Variants in TSBP1 observed in about 807,000 individuals in gnomAD.
TSBP1 encodes testis-expressed basic protein 1.
Under a neutral mutation model 68.8 loss-of-function variants are expected in TSBP1, and 56 were observed. The ratio of observed to expected loss-of-function variants is 0.81; its 90% CI spans 0.66 to 1.02. The LOEUF (loss-of-function observed/expected upper bound fraction) is 1.02, where lower values mean the gene tolerates loss of function less well. TSBP1 is among the 50% of genes least tolerant of loss of function. The pLI, the probability that TSBP1 is intolerant of heterozygous loss-of-function variation, is 0.00. For synonymous variants in TSBP1, 171 were observed against 208.7 expected (o/e 0.82, Z 1.56); for missense variants, 502 against 641.2 (o/e 0.78, Z 2.34).
chr6:32,326,628 A>T (rs1768247505), intron 16 of TSBP1, among the ~76,000 whole-genome samples: 1 of 152,206 alleles, frequency 6.6e-6, no homozygotes, highest in South Asian at 2.1e-4. Context: ...ATTGAGTTTC[A>T]CTCATGAAGG....
At chr6:32,328,384 A>G (rs949902511) in intron 16 of TSBP1, among the ~76,000 whole-genome samples, 1 of 151,420 alleles carries the variant, frequency 6.6e-6, no homozygotes, top group Non-Finnish European at 1.5e-5. Context: ...AGTAGCTGAG[A>G]TTACAGGCGT....
rs1241656893 is a variant in TSBP1 at position 32,365,968 on chromosome 6, G to A, written c.217+199C>T. 17 of 775,396 alleles carry A rather than the reference G, an allele frequency of 2.2e-5. No individual in the cohort carries two copies. In the South Asian group the frequency reaches 2.2e-4, roughly 10 times the overall value. 48.0% of individuals were successfully genotyped at this position (775,396 alleles called of 1,614,324 possible). A position where few individuals can be genotyped will look rare whatever the true frequency, so the allele number is the denominator to read the frequency against. ...TTAAATAATTAGGAGTTGGATAGGA[G>A]AGGAATTGCATAGCTTTGGGGAAAA... On this transcript the variant is annotated intron_variant, in intron 6 of 22. Coordinates refer to ENST00000612031, the Ensembl canonical transcript of TSBP1. The surrounding 1 kb of genome is among the most constrained non-coding windows in gnomAD (Gnocchi z 4.3).
At chr6:32,366,762 C>CA (rs9257084) in intron 4 of TSBP1, among the ~76,000 whole-genome samples, 1,315 of 77,192 alleles carry the variant, frequency 0.017, 88 homozygotes, top group Admixed American at 0.035. Context: ...GACTCCGTCT[C>CA]AAAAAAAAAA....
At chr6:32,293,693 A>T in exon 23 of TSBP1, 1 of 1,612,770 alleles carries the variant, frequency 6.2e-7, no homozygotes, top group Non-Finnish European at 8.5e-7. Flanking sequence ...TACATCTGAC[A>T]CACTTTTCTT....
chr6:32,342,050 C>CTTT (rs10689236), intron 9 of TSBP1, among the ~76,000 whole-genome samples: 4,748 of 120,232 alleles, frequency 0.039, 220 homozygotes, highest in African/African-American at 0.11. Context: ...AAAATGTGTT[C>CTTT]TTTTTTTTTT....
chr6:32,338,548 A>G lies in TSBP1; in HGVS notation c.409+431T>C, dbSNP rs148762439. Among the ~76,000 whole-genome samples, 175 of 152,278 alleles carry G rather than the reference A, an allele frequency of 1.1e-3. 2 individuals carry two copies. Among genetic ancestry groups the G allele is most frequent in the Admixed American group, 4.3e-3 (65 of 15,292 alleles). ...ATTTCAGATTTATTCTTTGTTCATAACAGGGGATATACATCCCACACAAAC... is the reference window on the plus strand; with the variant it reads ...ATTTCAGATTTATTCTTTGTTCATAGCAGGGGATATACATCCCACACAAAC... On this transcript the variant is annotated intron_variant, in intron 11 of 22. Coordinates refer to ENST00000612031, the Ensembl canonical transcript of TSBP1. This position sits in a 1 kb window ranked among gnomAD's most constrained non-coding sequence, Gnocchi z 5.5.
exon 23 of TSBP1, chr6:32,293,914 T>C (rs768775788): frequency 6.2e-7 from 1 of 1,612,768 alleles, no homozygotes; most frequent in African/African-American, 1.3e-5. Flanking sequence ...TGTCATTCTT[T>C]AGTGCTTCCT....
intron 8 of TSBP1, among the ~76,000 whole-genome samples, chr6:32,354,591 A>G (rs1441734963): frequency 3.3e-5 from 5 of 152,186 alleles, no homozygotes; most frequent in African/African-American, 1.2e-4. Context: ...TACCCCGGAT[A>G]AACTCTTTTC....
At chr6:32,323,660 T>C in intron 16 of TSBP1, 46 bp from the exon 18 acceptor site, 2 of 1,593,796 alleles carry the variant, frequency 1.3e-6, no homozygotes, top group Non-Finnish European at 1.7e-6. Flanking sequence ...TCTCCCATGA[T>C]ATTTTCCTTT....
intron 19 of TSBP1, among the ~76,000 whole-genome samples, chr6:32,305,085 C>T (rs1322116298): frequency 6.6e-6 from 1 of 152,156 alleles, no homozygotes; most frequent in Non-Finnish European, 1.5e-5. Flanking sequence ...TAGAGCCAGG[C>T]TAGAATGTAA....
intron 8 of TSBP1, among the ~76,000 whole-genome samples, chr6:32,350,501 A>G (rs917510935): frequency 1.3e-5 from 2 of 152,230 alleles, no homozygotes; most frequent in African/African-American, 4.8e-5. Flanking sequence ...TATATCAAGA[A>G]GGAACCCATA....
At chr6:32,307,383 T>A (rs1298090505) in intron 19 of TSBP1, among the ~76,000 whole-genome samples, 2 of 152,188 alleles carry the variant, frequency 1.3e-5, no homozygotes, top group Non-Finnish European at 2.9e-5. Context: ...TTTTTGTTAT[T>A]TATTTCTGTT....
intron 16 of TSBP1, 79 bp downstream of exon 17, chr6:32,330,510 T>C: frequency 7.4e-7 from 1 of 1,359,548 alleles, no homozygotes; most frequent in South Asian, 1.3e-5. Context: ...ATCTAGGGCA[T>C]TTGAGACAGG....
Position 32,361,369 on chromosome 6 carries a change from A to AT in TSBP1, c.217+4797dup, listed in dbSNP as rs201266364. On this transcript the variant is annotated intron_variant, in intron 6 of 22. Coordinates refer to ENST00000612031, the Ensembl canonical transcript of TSBP1. The surrounding 1 kb of genome is among the most constrained non-coding windows in gnomAD (Gnocchi z 4.3). ...GTGCATGTGTCTTTATAGTAGCATG[A>AT]TTTATAATCCTTTGGGTATATACCC... Among the ~76,000 whole-genome samples, 23,516 of 152,086 alleles carry AT rather than the reference A, an allele frequency of 0.15. 2,216 individuals are homozygous for AT. The highest frequency in any genetic ancestry group is 0.29 in the East Asian group (1,497 of 5,178).
chr6:32,367,631 T>C (rs1210886657), intron 4 of TSBP1, among the ~76,000 whole-genome samples: 2 of 152,226 alleles, frequency 1.3e-5, no homozygotes, highest in African/African-American at 4.8e-5. Flanking sequence ...TTTATCCACA[T>C]TTTAAACATC....
intron 15 of TSBP1, 37 bp downstream of exon 16, chr6:32,331,997 G>A (rs1243561060): frequency 4.0e-6 from 6 of 1,505,388 alleles, no homozygotes; most frequent in Non-Finnish European, 5.5e-6. Flanking sequence ...ATAGTAAGAA[G>A]CCAGTAGAGA....
chr6:32,371,003 C>T (rs1774359727), intron 1 of TSBP1, among the ~76,000 whole-genome samples: 1 of 152,100 alleles, frequency 6.6e-6, no homozygotes, highest in Non-Finnish European at 1.5e-5. Context: ...TAGGTGAATC[C>T]ATCTCAAGAT....
At chr6:32,370,405 C>CTGTGTGTGTGTG (rs147644176) in intron 1 of TSBP1, among the ~76,000 whole-genome samples, 25 of 81,044 alleles carry the variant, frequency 3.1e-4, no homozygotes, top group Non-Finnish European at 3.7e-4. Flanking sequence ...GCAAGATTTT[C>CTGTGTGTGTGTG]TGTATATATA....
chr6:32,339,200 A>G (rs1480167382), intron 10 of TSBP1, among the ~76,000 whole-genome samples: 1 of 146,076 alleles, frequency 6.8e-6, no homozygotes, highest in East Asian at 2.0e-4. Context: ...CTTCATTTTC[A>G]TTATCTTCCT....
Sources: gnomAD v4.1 joint callset for allele counts (sites outside exome capture counted in the v4.1 genomes callset) on GRCh38, gnomAD v4.1.1 for gene constraint, Gnocchi (gnomAD v3.1) non-coding constraint, MANE v1.5 for transcripts, NCBI Gene and HGNC (gene_info 2026-07-23, HGNC 2026-07-21) for gene names.